The following H2BC12 variants were observed in gnomAD, a reference collection of about 807,000 sequenced individuals.
H2BC12 encodes the protein H2B clustered histone 12.
A neutral mutation model predicts 6.3 loss-of-function variants in H2BC12; 6 were observed. That is an observed-to-expected ratio of 0.95 (90% confidence interval 0.52 to 1.87). The LOEUF is 1.87. H2BC12 is among the 40% of genes most tolerant of loss of function. The probability of loss-of-function intolerance (pLI) is 0.01; values close to 1 mark genes in which losing one functional copy is unlikely to be tolerated. For missense variants in H2BC12, 119 were observed against 178.4 expected (o/e 0.67, Z 1.90); for synonymous variants, 132 against 78.5 (o/e 1.68, Z -3.60).
chr6:27,145,834 G>T (rs894844859), downstream of H2BC12, among the ~76,000 whole-genome samples: 2 of 152,144 alleles, frequency 1.3e-5, no homozygotes, highest in Non-Finnish European at 2.9e-5. Context: ...TATCCTGCCT[G>T]GTGGTCTGGC....
chr6:27,141,943 A>C (rs918084653), downstream of H2BC12, among the ~76,000 whole-genome samples: 7 of 152,218 alleles, frequency 4.6e-5, no homozygotes, highest in African/African-American at 1.7e-4. Flanking sequence ...AGCACTTACA[A>C]TGTGGCATGT....
chr6:27,145,339 A>ACACACACAC (rs1554184474), downstream of H2BC12, among the ~76,000 whole-genome samples: 1 of 115,572 alleles, frequency 8.7e-6, no homozygotes, highest in Non-Finnish European at 1.9e-5. Context: ...CACACACACA[A>ACACACACAC]AATTCCCCTG....
rs12207760 is a variant in H2BC12, at chr6:27,146,709, G to A, written c.90C>T (p.Arg30=). 18 of 1,614,234 alleles carry A rather than the reference G, an allele frequency of 1.1e-5. No individual in the cohort carries two copies. The highest frequency in any genetic ancestry group is 3.3e-5 in the South Asian group (3 of 91,090). ...TKAQKKDGKK[R]KRSRKESYSV... is the part of the protein sequence containing the mutation. ...AGTAGCTCTCCTTGCGGCTGCGCTTGCGCTTCTTGCCGTCCTTCTTCTGCG... is the reference window on the plus strand; with the variant it reads ...AGTAGCTCTCCTTGCGGCTGCGCTTACGCTTCTTGCCGTCCTTCTTCTGCG... Residue 30 remains arginine (R), a synonymous_variant, in exon 1 of 1, where the codon CGC becomes CGT. Coordinates refer to ENST00000356950, the MANE Select transcript of H2BC12 (RefSeq NM_001312653.2).
At chr6:27,139,241 G>A in the H2BC12 span, 6 of 1,507,044 alleles carry the variant, frequency 4.0e-6, no homozygotes, top group East Asian at 2.3e-5. Context: ...AGTCTGGTCC[G>A]CAGAGGTTAC....
At chr6:27,143,481 T>C (rs1307254056), downstream of H2BC12, among the ~76,000 whole-genome samples, 4 of 152,052 alleles carry the variant, frequency 2.6e-5, no homozygotes, top group Admixed American at 1.3e-4. Flanking sequence ...TTCATAGGCA[T>C]TGAGTTGTGA....
At chr6:27,143,014 T>C (rs1159150377), downstream of H2BC12, among the ~76,000 whole-genome samples, 1 of 152,120 alleles carries the variant, frequency 6.6e-6, no homozygotes, top group Non-Finnish European at 1.5e-5. Context: ...AAAAAAATCC[T>C]AGTTCAATAA....
the H2BC12 span, chr6:27,139,654 G>T: frequency 6.4e-7 from 1 of 1,573,104 alleles, no homozygotes; most frequent in East Asian, 2.2e-5. Flanking sequence ...TCTCTAAAAA[G>T]GCCCTTTTTA....
the H2BC12 span, chr6:27,139,796 G>A: frequency 2.8e-6 from 3 of 1,086,572 alleles, no homozygotes; most frequent in Non-Finnish European, 3.8e-6. Flanking sequence ...GATGACTACA[G>A]GTGACCTTGG....
chr6:27,139,712 T>G, the H2BC12 span: 2 of 1,484,748 alleles, frequency 1.3e-6, no homozygotes, highest in Non-Finnish European at 9.0e-7. Context: ...GCAAACTGAG[T>G]CTCTTAATAG....
Position 27,146,734 on chromosome 6 carries a change from G to A in H2BC12, c.65C>T (p.Ala22Val), listed in dbSNP as rs182750059. ...GCGCTTCTTGCCGTCCTTCTTCTGC[G>A]CCTTAGTCACGGCTTTCTTCGAGCC... ...KKGSKKAVTK[A>V]QKKDGKKRKR... The change falls in exon 1 of 1, where the codon GCG (alanine) becomes GTG (valine). Residue 22 changes from alanine to valine, a missense_variant. Transcript: ENST00000356950. 4.8e-5 allele frequency: 77 copies of A among 1,614,208 alleles called. No homozygotes were observed. Among genetic ancestry groups the A allele is most frequent in the African/African-American group, 2.0e-4 (15 of 75,070 alleles).
chr6:27,139,724 G>A, the H2BC12 span: 8 of 1,446,468 alleles, frequency 5.5e-6, no homozygotes, highest in Non-Finnish European at 7.4e-6. Context: ...TCTTAATAGG[G>A]CCATTGTCAG....
chr6:27,139,472 C>T, the H2BC12 span: 1 of 1,614,170 alleles, frequency 6.2e-7, no homozygotes, highest in South Asian at 1.1e-5. Context: ...TATGAGGAGA[C>T]CCGCGGAGTG....
At chr6:27,144,912 G>A (rs1562027587), downstream of H2BC12, among the ~76,000 whole-genome samples, 1 of 152,132 alleles carries the variant, frequency 6.6e-6, no homozygotes, top group South Asian at 2.1e-4. Context: ...TTCTGCCTCA[G>A]CCTCCCGAGT....
At position 27,146,391 on chromosome 6, in the gene H2BC12, G is replaced by A. The variant is rs1287004347; in HGVS notation, c.*27C>T. Reference sequence around the variant, plus strand: ...GGCTCTTAAAAGAGCCTTTGGGGTTGGGCTTTAAGACGCTTACTTGGCAAG... The same window carrying A: ...GGCTCTTAAAAGAGCCTTTGGGGTTAGGCTTTAAGACGCTTACTTGGCAAG... On this transcript the variant is annotated 3_prime_UTR_variant, in exon 1 of 1. Coordinates refer to ENST00000356950, the MANE Select transcript of H2BC12 (RefSeq NM_001312653.2). The A allele has an allele frequency of 2.5e-6, 4 of 1,614,060 alleles. No individual in the cohort carries two copies. Among genetic ancestry groups the A allele is most frequent in the Non-Finnish European group, 2.5e-6 (3 of 1,179,978 alleles).
chr6:27,144,918 C>T (rs549566227), downstream of H2BC12, among the ~76,000 whole-genome samples: 2 of 152,066 alleles, frequency 1.3e-5, no homozygotes, highest in African/African-American at 2.4e-5. Flanking sequence ...CTCAGCCTCC[C>T]GAGTAGCTGG....
In H2BC12 at chr6:27,146,770, G is replaced by C. The variant is rs746185453; in HGVS notation, c.29C>G (p.Ala10Gly). 1 of 1,614,188 alleles carries C rather than the reference G, an allele frequency of 6.2e-7. No homozygotes were observed. The change falls in exon 1 of 1, where the codon GCG becomes GGG. Residue 10 changes from alanine to glycine, a missense_variant. By Grantham distance (60) the Ala-to-Gly change is moderately conservative. Around this residue, in one of 2 missense-constraint regions of H2BC12, gnomAD observed 50 missense variants for 37.4 expected, o/e 1.34. Coordinates refer to ENST00000356950, the MANE Select transcript of H2BC12 (RefSeq NM_001312653.2). MPEPAKSAP[A>G]PKKGSKKAVT... ...GGCTTTCTTCGAGCCCTTCTTGGGC[G>C]CGGGAGCGGACTTCGCTGGTTCCGG...
chr6:27,144,491 A>G (rs1298056999), downstream of H2BC12, among the ~76,000 whole-genome samples: 1 of 126,046 alleles, frequency 7.9e-6, no homozygotes, highest in Non-Finnish European at 1.6e-5. Flanking sequence ...AATCTGTGCT[A>G]TCAAGAGAAA....
chr6:27,139,493 T>C, the H2BC12 span: 1 of 1,614,116 alleles, frequency 6.2e-7, no homozygotes. Context: ...TTGAAGGTGT[T>C]CCTGGAGAAC....
At chr6:27,138,873 A>T in the H2BC12 span, 2 of 153,510 alleles carry the variant, frequency 1.3e-5, no homozygotes, top group Non-Finnish European at 2.9e-5. Flanking sequence ...ACGATCTTTA[A>T]ATTCTATGAG....
Sources: allele counts gnomAD v4.1 joint callset (sites outside exome capture counted in the v4.1 genomes callset), GRCh38; gene constraint gnomAD v4.1.1; regional missense constraint gnomAD v4.1.1; transcripts MANE v1.5; gene names NCBI Gene and HGNC (gene_info 2026-07-23, HGNC 2026-07-21).